Variants in DMKN observed in about 807,000 individuals in gnomAD.
DMKN encodes the protein epidermis-specific secreted protein SK30/SK89.
Under a neutral mutation model 67.6 loss-of-function variants are expected in DMKN, and 58 were observed. That is an observed-to-expected ratio of 0.86 (90% CI 0.69 to 1.07). DMKN has a LOEUF of 1.07. Ranked by LOEUF, DMKN falls within the 50% of genes least tolerant of loss-of-function variation. DMKN has a pLI of 0.00. For missense variants in DMKN, 596 were observed against 601.5 expected (o/e 0.99, Z 0.10); for synonymous variants, 240 against 232.3 (o/e 1.03, Z -0.30).
Position 35,510,229 on chromosome 19 carries a change from G to T in DMKN, c.942C>A (p.Ser314=). The T allele has an allele frequency of 6.2e-7, 1 of 1,607,762 alleles. No individual in the cohort carries two copies. Residue 314 remains serine (S), a synonymous_variant, in exon 6 of 16, where the codon TCC becomes TCA. Transcript: ENST00000339686. ...SSWGSSTGSS[S]GNHGGSGGGN... is the part of the protein sequence containing the mutation. ...CTCCGCCGCTCCCACCGTGGTTGCC[G>T]GAGGAGGAGCCGGTGCTGGATCCCT...
chr19:35,499,825 G>T, intron 13 of DMKN, 133 bp downstream of exon 13: 1 of 869,160 alleles, frequency 1.2e-6, no homozygotes, highest in African/African-American at 1.7e-5. Flanking sequence ...CAAAGGGGTG[G>T]GGAGGCCTGG....
chr19:35,501,040 G>A (rs2068262820), intron 11 of DMKN, among the ~76,000 whole-genome samples: 1 of 152,148 alleles, frequency 6.6e-6, no homozygotes, highest in Non-Finnish European at 1.5e-5. Flanking sequence ...GGTTAGCTCT[G>A]GACCACAGGA....
intron 2 of DMKN, 21 bp downstream of exon 2, chr19:35,512,569 C>T: frequency 1.9e-6 from 3 of 1,614,024 alleles, no homozygotes; most frequent in Non-Finnish European, 2.5e-6. Context: ...TGGCAGGTAG[C>T]AGGTCTGGGG....
At chr19:35,510,078 T>G (rs1411870400) in intron 6 of DMKN, 106 bp downstream of exon 6, 13 of 1,570,220 alleles carry the variant, frequency 8.3e-6, no homozygotes, top group East Asian at 7.0e-5. Context: ...TCCGCGGCCA[T>G]CCAGCCCCAT....
intron 5 of DMKN, among the ~76,000 whole-genome samples, 183 bp downstream of exon 5, chr19:35,511,228 C>A (rs931858640): frequency 6.6e-6 from 1 of 152,154 alleles, no homozygotes; most frequent in Non-Finnish European, 1.5e-5. Flanking sequence ...AACGATAGTG[C>A]GCGCATCAGG....
At chr19:35,503,432 G>A (rs975602838) in intron 9 of DMKN, 50 of 1,550,874 alleles carry the variant, frequency 3.2e-5, no homozygotes, top group Non-Finnish European at 3.7e-5. Context: ...CACGGGATGC[G>A]AGAGCTTCTC....
chr19:35,508,662 AC>A (rs2070077818), intron 7 of DMKN: 1 of 167,936 alleles, frequency 6.0e-6, no homozygotes, highest in Non-Finnish European at 1.3e-5. Flanking sequence ...TCTGTTTTTA[AC>A]CAGTTTTCCC....
intron 7 of DMKN, chr19:35,507,435 AC>A (rs2069788406): frequency 1.3e-6 from 2 of 1,548,448 alleles, no homozygotes; most frequent in Non-Finnish European, 1.7e-6. Flanking sequence ...CCTAAAGCCA[AC>A]CCTGCCTGCC....
intron 9 of DMKN, 134 bp from the exon 10 acceptor site, chr19:35,503,020 CTT>C (rs939480879): frequency 1.9e-6 from 2 of 1,059,740 alleles, no homozygotes; most frequent in African/African-American, 3.2e-5. Flanking sequence ...AGCTGAGAGT[CTT>C]TAGGGACACC....
intron 5 of DMKN, chr19:35,510,498 C>T: frequency 1.9e-6 from 3 of 1,549,774 alleles, no homozygotes; most frequent in Non-Finnish European, 2.6e-6. Context: ...CTGCTGCCCA[C>T]CGCAGGCCGG....
chr19:35,500,492 G>T (rs368869535), intron 12 of DMKN, 41 bp downstream of exon 12: 2 of 1,597,152 alleles, frequency 1.3e-6, no homozygotes, highest in South Asian at 2.3e-5. Context: ...GGCCAAGGGG[G>T]ACCAAGGGCC....
chr19:35,502,103 T>C lies in DMKN; in HGVS notation c.1239+33A>G, dbSNP rs774313294. 1.9e-6 allele frequency: 3 copies of C among 1,613,996 alleles called. No homozygotes were observed. The South Asian group carries it at 3.3e-5, about 18-fold the overall frequency. Reference sequence around the variant, plus strand: ...GGCTCGCCCAGGGCCCCGAACCCTGTGTCCCAGAGCTGAGAAGTCCTGCCC... The same window carrying C: ...GGCTCGCCCAGGGCCCCGAACCCTGCGTCCCAGAGCTGAGAAGTCCTGCCC... On this transcript the variant is annotated intron_variant, in intron 11 of 15. Transcript: ENST00000339686.
chr19:35,499,988 A>T lies in DMKN; in HGVS notation c.1329T>A (p.Gly443=). The T allele has an allele frequency of 6.2e-7, 1 of 1,614,166 alleles. No individual in the cohort carries two copies. The highest frequency in any genetic ancestry group is 1.7e-4 in the Middle Eastern group (1 of 6,060). Residue 443 remains glycine, a synonymous_variant, in exon 13 of 16, where the codon GGT becomes GGA. Transcript: ENST00000339686. ...CAGGGGTCTTGACTGAGTACTTCCC[A>T]CCATAGGCAGTGGGATACGCATGCT... ...YNQHAYPTAY[G]GKYSVKTPAK... is the part of the protein sequence containing the mutation.
intron 9 of DMKN, among the ~76,000 whole-genome samples, 193 bp downstream of exon 9, chr19:35,505,525 C>A (rs2146025973): frequency 6.6e-6 from 1 of 152,322 alleles, no homozygotes; most frequent in Middle Eastern, 3.4e-3. Context: ...TCAATCTCAG[C>A]TGCTCCAGAT....
intron 6 of DMKN, 27 bp downstream of exon 6, chr19:35,510,157 G>A (rs1337306810): frequency 1.3e-6 from 2 of 1,595,712 alleles, no homozygotes; most frequent in Non-Finnish European, 1.7e-6. Context: ...TCCCGCGGTT[G>A]GTGGGAGATT....
intron 9 of DMKN, chr19:35,503,248 C>A: frequency 6.9e-7 from 1 of 1,458,854 alleles, no homozygotes; most frequent in Non-Finnish European, 9.0e-7. Context: ...GCAGCCACCC[C>A]TTCCACACCA....
chr19:35,509,659 C>T, intron 7 of DMKN: 1 of 472,976 alleles, frequency 2.1e-6, no homozygotes, highest in Non-Finnish European at 3.8e-6. Flanking sequence ...TCTAAAAGGA[C>T]CGGTTTACAT....
rs375307828 is a variant in DMKN, at chr19:35,513,178, C to T, written c.298G>A (p.Gly100Arg). ...GVADALGNRV[G>R]EAAHALGNTG... Reference sequence around the variant, plus strand: ...TTTCCCAGAGCATGGGCTGCTTCCCCGACCCTGTTGCCCAAAGCATCTGCT... The same window carrying T: ...TTTCCCAGAGCATGGGCTGCTTCCCTGACCCTGTTGCCCAAAGCATCTGCT... Residue 100 changes from glycine (G) to arginine (R), a missense_variant, in exon 1 of 16, where the codon GGG becomes AGG. Coordinates refer to ENST00000339686, the MANE Select transcript of DMKN (RefSeq NM_033317.5). 4.1e-5 allele frequency: 66 copies of T among 1,614,100 alleles called. No individual in the cohort carries two copies. The highest frequency in any genetic ancestry group is 3.2e-4 in the African/African-American group (24 of 74,924).
chr19:35,501,834 TC>T (rs2068433788), intron 11 of DMKN: 1 of 1,574,568 alleles, frequency 6.4e-7, no homozygotes, highest in Non-Finnish European at 8.6e-7. Context: ...CAGCCGTGGC[TC>T]CCCTGGGTCC....
Sources: allele counts gnomAD v4.1 joint callset (sites outside exome capture counted in the v4.1 genomes callset), GRCh38; gene constraint gnomAD v4.1.1; transcripts MANE v1.5; gene names NCBI Gene and HGNC (gene_info 2026-07-23, HGNC 2026-07-21).